The following ZFHX3 variants were observed in gnomAD, a reference collection of about 807,000 sequenced individuals.
ZFHX3 encodes zinc finger homeobox 3.
Under a neutral mutation model 279.1 loss-of-function variants are expected in ZFHX3, and 42 were observed. That is an observed-to-expected ratio of 0.15 (90% CI 0.12 to 0.19). The LOEUF (loss-of-function observed/expected upper bound fraction) is 0.19, where lower values mean the gene tolerates loss of function less well. Ranked by LOEUF, ZFHX3 falls within the 10% of genes least tolerant of loss-of-function variation. The pLI, the probability that ZFHX3 is intolerant of heterozygous loss-of-function variation, is 1.00. For missense variants in ZFHX3, 4,981 were observed against 4,754.0 expected (o/e 1.05, Z -1.40); for synonymous variants, 2,293 against 1,957.8 (o/e 1.17, Z -4.52).
chr16:73,847,442 C>G lies in ZFHX3; in HGVS notation c.-1608+44209G>C, dbSNP rs562824685. Among the ~76,000 whole-genome samples, 22 of 152,290 alleles carry G rather than the reference C, an allele frequency of 1.4e-4. No homozygotes were observed. The South Asian group carries it at 3.9e-3, about 27-fold the overall frequency. ...GAGAGGCTTGCTGGAGAACAGCACC[C>G]TTGGCAGGCATTTGTAGACTTATCC... On this transcript the variant is annotated intron_variant, in intron 1 of 17. Transcript: ENST00000641206.
At chr16:73,432,376 A>G (rs2017924984) in intron 3 of ZFHX3, among the ~76,000 whole-genome samples, 1 of 152,160 alleles carries the variant, frequency 6.6e-6, no homozygotes, top group East Asian at 1.9e-4. Flanking sequence ...TGGATATTGA[A>G]ACAGACAATA....
At chr16:73,696,844 CTATT>C (rs2053202155) in intron 1 of ZFHX3, among the ~76,000 whole-genome samples, 1 of 152,084 alleles carries the variant, frequency 6.6e-6, no homozygotes, top group Non-Finnish European at 1.5e-5. Flanking sequence ...AGTGAAGAGG[CTATT>C]TAAACATAGG....
intron 3 of ZFHX3, among the ~76,000 whole-genome samples, chr16:72,946,401 C>T (rs1960677563): frequency 6.6e-6 from 1 of 152,156 alleles, no homozygotes; most frequent in Non-Finnish European, 1.5e-5. Context: ...CAAAGGAACC[C>T]CAGCTAGAAA....
intron 7 of ZFHX3, 96 bp downstream of exon 7, chr16:72,811,481 G>A: frequency 7.9e-7 from 1 of 1,270,958 alleles, no homozygotes; most frequent in Non-Finnish European, 1.1e-6. Flanking sequence ...ACTCTACACT[G>A]ACTTTCTCGT....
At chr16:72,827,962 A>T (rs2036974361) in intron 5 of ZFHX3, among the ~76,000 whole-genome samples, 1 of 152,098 alleles carries the variant, frequency 6.6e-6, no homozygotes, top group African/African-American at 2.4e-5. Flanking sequence ...ATCTCTCCCG[A>T]TATCTGGGAA....
At chr16:73,519,752 T>G (rs1206306176) in intron 2 of ZFHX3, among the ~76,000 whole-genome samples, 1 of 152,180 alleles carries the variant, frequency 6.6e-6, no homozygotes, top group Admixed American at 6.6e-5. Flanking sequence ...GTTGAAGTGT[T>G]ACCATTCCAC....
At chr16:73,584,214 G>A (rs1436450367) in intron 2 of ZFHX3, among the ~76,000 whole-genome samples, 2 of 152,146 alleles carry the variant, frequency 1.3e-5, no homozygotes, top group Admixed American at 6.5e-5. Flanking sequence ...CCCAAACGAT[G>A]AGAAAGAAAG....
At chr16:73,715,027 AC>A (rs1170657090) in intron 1 of ZFHX3, among the ~76,000 whole-genome samples, 1 of 151,728 alleles carries the variant, frequency 6.6e-6, no homozygotes, top group African/African-American at 2.4e-5. Flanking sequence ...TGCCCTCCCT[AC>A]CCCCATGAAG....
intron 2 of ZFHX3, among the ~76,000 whole-genome samples, chr16:73,535,237 A>G (rs748269125): frequency 6.6e-6 from 1 of 152,248 alleles, no homozygotes; most frequent in Non-Finnish European, 1.5e-5. Flanking sequence ...AGCACAAATA[A>G]GAGTAAAATG....
Position 72,798,281 on chromosome 16 carries a change from C to G in ZFHX3, c.4401G>C (p.Leu1467=). Residue 1467 remains leucine, a synonymous_variant, in exon 9 of 10, where the codon CTG becomes CTC. Coordinates refer to ENST00000268489, the MANE Select transcript of ZFHX3 (RefSeq NM_006885.4). ...EADIQQLYGG[L]LANGDLLAMG... The stretch of plus-strand genomic sequence containing the variant: ...TTGCCAGGAGGTCCCCATTGGCCAG[C>G]AGGCCACCATAAAGCTGTTGGATGT... The G allele has an allele frequency of 1.9e-6, 3 of 1,614,192 alleles. No individual in the cohort carries two copies. The highest frequency in any genetic ancestry group is 1.7e-6 in the Non-Finnish European group (2 of 1,180,040).
At chr16:73,539,433 CTTTTTTTTTTTTTTT>C (rs1162434013) in intron 2 of ZFHX3, among the ~76,000 whole-genome samples, 2 of 65,086 alleles carry the variant, frequency 3.1e-5, no homozygotes, top group African/African-American at 5.7e-5. Context: ...TCCTCTTCTT[CTTTTTTTTTTTTTTT>C]TTTTTTTTTT....
At chr16:72,812,159 C>T in intron 5 of ZFHX3, 121 bp from the exon 6 acceptor site, 1 of 1,364,234 alleles carries the variant, frequency 7.3e-7, no homozygotes, top group South Asian at 1.5e-5. Flanking sequence ...CACCAAAATT[C>T]AAGAAGGATG....
At chr16:73,334,827 T>TTTC (rs2015880670) in intron 3 of ZFHX3, among the ~76,000 whole-genome samples, 1 of 141,676 alleles carries the variant, frequency 7.1e-6, no homozygotes, top group Non-Finnish European at 1.5e-5. Flanking sequence ...TTTTTTTTTT[T>TTTC]TTTTTTTTTG....
chr16:73,057,535 CAAAAAA>C (rs60945619), intron 1 of ZFHX3, among the ~76,000 whole-genome samples: 1 of 125,278 alleles, frequency 8.0e-6, no homozygotes, highest in Non-Finnish European at 1.7e-5. Context: ...TTCGCGAGAG[CAAAAAA>C]AAAAAAAAAG....
At chr16:73,129,853 T>A (rs1379633663) in intron 7 of ZFHX3, among the ~76,000 whole-genome samples, 1 of 152,172 alleles carries the variant, frequency 6.6e-6, no homozygotes, top group Non-Finnish European at 1.5e-5. Flanking sequence ...TTAGCAATTT[T>A]AATAAACTTC....
At chr16:73,596,703 G>A (rs773355758) in intron 2 of ZFHX3, among the ~76,000 whole-genome samples, 4 of 152,104 alleles carry the variant, frequency 2.6e-5, no homozygotes, top group East Asian at 1.9e-4. Flanking sequence ...ATCATAGCAC[G>A]TTCAATCATG....
intron 1 of ZFHX3, among the ~76,000 whole-genome samples, chr16:73,780,574 C>A (rs1333720147): frequency 6.6e-6 from 1 of 150,496 alleles, no homozygotes; most frequent in Non-Finnish European, 1.5e-5. Context: ...TCCCAAGGAG[C>A]TGGATTACAG....
chr16:72,792,653 T>C (rs2035751589), intron 9 of ZFHX3, among the ~76,000 whole-genome samples: 3 of 152,142 alleles, frequency 2.0e-5, no homozygotes, highest in South Asian at 2.1e-4. Flanking sequence ...GGTTTCACCA[T>C]GTTGGCCAGG....
chr16:73,292,505 T>C (rs1030547532), intron 4 of ZFHX3, among the ~76,000 whole-genome samples: 6 of 152,228 alleles, frequency 3.9e-5, no homozygotes, highest in African/African-American at 1.4e-4. Context: ...TCTAGGAGGC[T>C]AAAATGAAAA....
Sources: gnomAD v4.1 joint callset for allele counts (sites outside exome capture counted in the v4.1 genomes callset) on GRCh38, gnomAD v4.1.1 for gene constraint, MANE v1.5 for transcripts, NCBI Gene and HGNC (gene_info 2026-07-23, HGNC 2026-07-21) for gene names.